FRMD3: variants seen among roughly 807,000 people sequenced by gnomAD.
FRMD3 encodes the protein FERM domain-containing protein 3.
A neutral mutation model predicts 70.2 loss-of-function variants in FRMD3; 33 were observed. That is an observed-to-expected ratio of 0.47 (90% CI 0.36 to 0.63). The LOEUF (loss-of-function observed/expected upper bound fraction) is 0.63, where lower values mean the gene tolerates loss of function less well. Among genes scored for constraint, FRMD3 ranks in the 20% least tolerant of loss-of-function variants. The pLI is 0.00. For synonymous variants in FRMD3, 279 were observed against 255.9 expected (o/e 1.09, Z -0.86); for missense variants, 632 against 711.4 (o/e 0.89, Z 1.27).
At chr9:83,427,972 T>G (rs1368779331) in intron 1 of FRMD3, among the ~76,000 whole-genome samples, 1 of 152,202 alleles carries the variant, frequency 6.6e-6, no homozygotes, top group Admixed American at 6.5e-5. Context: ...GCGACCAGTT[T>G]AGAAAACAAC....
At chr9:83,415,681 C>T (rs56039713) in intron 1 of FRMD3, among the ~76,000 whole-genome samples, 12,841 of 142,804 alleles carry the variant, frequency 0.09, 662 homozygotes, top group South Asian at 0.2. Flanking sequence ...AGGATGGTCT[C>T]GGTCTCCTGA....
In FRMD3 at chr9:83,534,596, AGCACAACTAG is replaced by A. The variant is rs566576249; in HGVS notation, c.147+3479_147+3488del. ...TTTCACCATCACACCCTCTAATCAG[AGCACAACTAG>A]GCAATTCTCCCTTAGTTTCTGGCTT... On this transcript the variant is annotated intron_variant, in intron 1 of 13. Coordinates refer to ENST00000304195, the MANE Select transcript of FRMD3 (RefSeq NM_174938.6). Among the ~76,000 whole-genome samples the A allele has an allele frequency of 3.3e-3, 503 of 152,314 alleles. 2 individuals carry two copies. The highest frequency in any genetic ancestry group is 8.9e-3 in the African/African-American group (371 of 41,564).
At chr9:83,478,573 T>G (rs772847548) in intron 1 of FRMD3, among the ~76,000 whole-genome samples, 3 of 152,170 alleles carry the variant, frequency 2.0e-5, no homozygotes, top group Non-Finnish European at 4.4e-5. Flanking sequence ...GTGCAGCCAC[T>G]GTGGAAAACA....
intron 1 of FRMD3, among the ~76,000 whole-genome samples, chr9:83,423,653 G>C (rs1031672680): frequency 5.4e-5 from 7 of 128,672 alleles, no homozygotes; most frequent in Non-Finnish European, 1.1e-4. Flanking sequence ...CTGGAGTGCA[G>C]TGGCGTGATC....
chr9:83,429,400 C>T, intron 1 of FRMD3, among the ~76,000 whole-genome samples: 1 of 152,126 alleles, frequency 6.6e-6, no homozygotes, highest in Non-Finnish European at 1.5e-5. Context: ...GCTTTCATCG[C>T]CCGTTTCTCC....
chr9:83,284,545 T>G (rs1042683449), intron 13 of FRMD3, among the ~76,000 whole-genome samples: 12 of 151,860 alleles, frequency 7.9e-5, no homozygotes, highest in Admixed American at 7.9e-4. Flanking sequence ...GAGGCAGAGG[T>G]TGCAGTGAGC....
intron 1 of FRMD3, among the ~76,000 whole-genome samples, chr9:83,404,049 G>A (rs1826028527): frequency 6.8e-6 from 1 of 146,012 alleles, no homozygotes; most frequent in South Asian, 2.2e-4. Context: ...GTGTGCAGTG[G>A]GAATTCCTGC....
chr9:83,528,270 C>T (rs1829724458), intron 1 of FRMD3, among the ~76,000 whole-genome samples: 1 of 149,616 alleles, frequency 6.7e-6, no homozygotes, highest in African/African-American at 2.5e-5. Flanking sequence ...TGTCCTTCTA[C>T]TCTTAATATT....
intron 7 of FRMD3, among the ~76,000 whole-genome samples, chr9:83,312,888 C>T (rs1272084118): frequency 2.6e-5 from 4 of 152,164 alleles, no homozygotes; most frequent in African/African-American, 7.2e-5. Flanking sequence ...ACCTATAGGA[C>T]TAATGCTTTG....
At chr9:83,380,880 A>G (rs1328059917) in intron 2 of FRMD3, among the ~76,000 whole-genome samples, 1 of 152,162 alleles carries the variant, frequency 6.6e-6, no homozygotes, top group East Asian at 1.9e-4. Flanking sequence ...TCCCCAGACA[A>G]GAGATTGTTT....
chr9:83,390,185 A>G (rs1262116162), intron 1 of FRMD3, among the ~76,000 whole-genome samples: 1 of 152,186 alleles, frequency 6.6e-6, no homozygotes, highest in East Asian at 1.9e-4. Flanking sequence ...CTGAGCCACA[A>G]AGAGGTTCAG....
chr9:83,583,458 T>C, the FRMD3 span, among the ~76,000 whole-genome samples: 5 of 152,212 alleles, frequency 3.3e-5, no homozygotes, highest in Non-Finnish European at 5.9e-5. Flanking sequence ...ATTTCTATTA[T>C]ATTTTTTCCA....
At chr9:83,565,428 C>G in the FRMD3 span, among the ~76,000 whole-genome samples, 1 of 152,152 alleles carries the variant, frequency 6.6e-6, no homozygotes, top group Non-Finnish European at 1.5e-5. Context: ...AGTTGTTTAT[C>G]CAGAGCTGAA....
upstream of FRMD3, among the ~76,000 whole-genome samples, chr9:83,540,770 G>A (rs1312699307): frequency 6.6e-6 from 1 of 152,212 alleles, no homozygotes. Context: ...ATCAGCTTAT[G>A]ACTTTTAAAC....
chr9:83,404,108 A>C (rs939352494), intron 1 of FRMD3, among the ~76,000 whole-genome samples: 2 of 151,996 alleles, frequency 1.3e-5, no homozygotes, highest in African/African-American at 4.8e-5. Flanking sequence ...GCACGCACAC[A>C]AGAACGATTT....
Position 83,459,058 on chromosome 9 carries a change from G to A in FRMD3, c.148-69350C>T, listed in dbSNP as rs551331560. On this transcript the variant is annotated intron_variant, in intron 1 of 13. Coordinates refer to ENST00000304195, the MANE Select transcript of FRMD3 (RefSeq NM_174938.6). Reference sequence around the variant, plus strand: ...ACCCACCCAATAGAGTAAACAGAGAGAAAAATTAAAACTCCTGGAAGTTGA... The same window carrying A: ...ACCCACCCAATAGAGTAAACAGAGAAAAAAATTAAAACTCCTGGAAGTTGA... Among the ~76,000 whole-genome samples, 3 of 152,216 alleles carry A rather than the reference G, an allele frequency of 2.0e-5. No individual in the cohort carries two copies. In the South Asian group the frequency reaches 6.2e-4, roughly 32 times the overall value.
At chr9:83,399,547 A>C (rs903479677) in intron 1 of FRMD3, among the ~76,000 whole-genome samples, 2 of 152,182 alleles carry the variant, frequency 1.3e-5, no homozygotes, top group African/African-American at 4.8e-5. Flanking sequence ...CAAAGCACTC[A>C]CATCAGAATA....
chr9:83,540,939 A>T (rs919954514), upstream of FRMD3, among the ~76,000 whole-genome samples: 1 of 152,238 alleles, frequency 6.6e-6, no homozygotes, highest in African/African-American at 2.4e-5. Flanking sequence ...TATCAGCAGG[A>T]AAGAGTGGGA....
intron 13 of FRMD3, among the ~76,000 whole-genome samples, chr9:83,264,385 A>T (rs976821485): frequency 6.6e-6 from 1 of 152,224 alleles, no homozygotes; most frequent in Non-Finnish European, 1.5e-5. Context: ...AGGGGTAGAT[A>T]CATGCCATTA....
Sources: gnomAD v4.1 joint callset for allele counts (sites outside exome capture counted in the v4.1 genomes callset) on GRCh38, gnomAD v4.1.1 for gene constraint, MANE v1.5 for transcripts, NCBI Gene and HGNC (gene_info 2026-07-23, HGNC 2026-07-21) for gene names.